The following AVEN variants were observed in gnomAD, a reference collection of about 807,000 sequenced individuals.
AVEN encodes the protein apoptosis and caspase activation inhibitor, also known as cell death regulator Aven.
In AVEN, 41 loss-of-function variants were observed where a neutral mutation model predicts 38.1. The observed-to-expected ratio is 1.08, with a 90% CI of 0.84 to 1.40. The LOEUF (loss-of-function observed/expected upper bound fraction) is 1.40, where lower values mean the gene tolerates loss of function less well. Ranked by LOEUF, AVEN falls within the 40% of genes most tolerant of loss-of-function variation. The pLI is 0.00. For missense variants in AVEN, 605 were observed against 438.8 expected, an observed-to-expected ratio of 1.38 and a Z score of -3.38; for synonymous variants, 206 against 171.8, an observed-to-expected ratio of 1.20 and a Z score of -1.56.
chr15:33,921,405 T>C (rs1893388700), intron 2 of AVEN, among the ~76,000 whole-genome samples: 1 of 144,070 alleles, frequency 6.9e-6, no homozygotes, highest in African/African-American at 2.5e-5. Flanking sequence ...AGGTGAGATT[T>C]AATCTCGAAT....
intron 2 of AVEN, among the ~76,000 whole-genome samples, chr15:33,880,405 C>G (rs889296650): frequency 6.6e-6 from 1 of 152,138 alleles, no homozygotes; most frequent in African/African-American, 2.4e-5. Context: ...GAAAGCTCTG[C>G]TAGTCTTACA....
chr15:34,043,163 C>T (rs1899547509), upstream of AVEN, among the ~76,000 whole-genome samples: 1 of 151,176 alleles, frequency 6.6e-6, no homozygotes, highest in Non-Finnish European at 1.5e-5. Context: ...AGGAGAATGG[C>T]GTGAACCTGG....
intron 2 of AVEN, among the ~76,000 whole-genome samples, chr15:33,925,316 T>TA (rs1893569076): frequency 6.6e-6 from 1 of 152,208 alleles, no homozygotes; most frequent in South Asian, 2.1e-4. Context: ...CTCCCTCTGA[T>TA]ACCTTCCTTT....
At chr15:33,894,361 A>G (rs1013469318) in intron 2 of AVEN, among the ~76,000 whole-genome samples, 5 of 152,046 alleles carry the variant, frequency 3.3e-5, no homozygotes, top group Non-Finnish European at 5.9e-5. Flanking sequence ...CTGCAGCTAC[A>G]TAACAGGAAG....
At position 34,003,085 on chromosome 15, in the gene AVEN, T is replaced by C; in HGVS notation, c.392A>G (p.Glu131Gly). 1 of 1,614,054 alleles carries C rather than the reference T, an allele frequency of 6.2e-7. No individual in the cohort carries two copies. The highest frequency in any genetic ancestry group is 8.5e-7 in the Non-Finnish European group (1 of 1,179,934). Residue 131 changes from glutamate (E) to glycine (G), a missense_variant, in exon 2 of 6, where the codon GAA becomes GGA. Coordinates refer to ENST00000306730, the MANE Select transcript of AVEN (RefSeq NM_020371.3). ...TGTTCCCCTCTGTGACTCTCCACTT[T>C]CATTATTGACCTCTTTTTCAATATC... Reference protein sequence around the residue: ...YQDIEKEVNNESGESQRGTDF... With the variant: ...YQDIEKEVNNGSGESQRGTDF...
chr15:33,872,127 G>C (rs1338513481), intron 3 of AVEN, among the ~76,000 whole-genome samples: 2 of 152,126 alleles, frequency 1.3e-5, no homozygotes, highest in Non-Finnish European at 2.9e-5. Flanking sequence ...TGGGGGTGGG[G>C]TGTAAAGAGA....
At chr15:33,965,068 T>C (rs775476716) in intron 2 of AVEN, among the ~76,000 whole-genome samples, 2 of 152,216 alleles carry the variant, frequency 1.3e-5, no homozygotes, top group Non-Finnish European at 2.9e-5. Flanking sequence ...AGATGAATGA[T>C]AACAGTCTGC....
At chr15:34,040,043 G>C (rs1899400272), upstream of AVEN, among the ~76,000 whole-genome samples, 1 of 152,176 alleles carries the variant, frequency 6.6e-6, no homozygotes, top group Non-Finnish European at 1.5e-5. Context: ...AGCAGAATAA[G>C]TGTTTTCTTC....
intron 2 of AVEN, among the ~76,000 whole-genome samples, chr15:33,920,036 G>A (rs1457605229): frequency 2.0e-5 from 3 of 151,868 alleles, no homozygotes; most frequent in Admixed American, 1.3e-4. Context: ...AACTACTCAC[G>A]TGAACCTACC....
At chr15:33,872,211 C>T (rs1890997286) in intron 3 of AVEN, among the ~76,000 whole-genome samples, 1 of 152,236 alleles carries the variant, frequency 6.6e-6, no homozygotes, top group Non-Finnish European at 1.5e-5. Context: ...TCCCACTTCT[C>T]TGCCATCAGT....
chr15:33,922,096 G>T (rs111601973), intron 2 of AVEN, among the ~76,000 whole-genome samples: 1 of 152,186 alleles, frequency 6.6e-6, no homozygotes, highest in Non-Finnish European at 1.5e-5. Flanking sequence ...TTAGCAGGAC[G>T]TATCTAATCT....
intron 2 of AVEN, among the ~76,000 whole-genome samples, chr15:33,994,978 C>T (rs1243824319): frequency 6.6e-6 from 1 of 152,160 alleles, no homozygotes; most frequent in African/African-American, 2.4e-5. Flanking sequence ...AATAATAATA[C>T]TGGCCAGGCA....
At chr15:33,968,544 T>A in intron 2 of AVEN, among the ~76,000 whole-genome samples, 1 of 152,130 alleles carries the variant, frequency 6.6e-6, no homozygotes, top group Non-Finnish European at 1.5e-5. Flanking sequence ...AAAGCCGTAC[T>A]TCCTTCTGGA....
intron 5 of AVEN, among the ~76,000 whole-genome samples, chr15:34,054,942 C>G (rs534603150): frequency 2.0e-5 from 3 of 152,310 alleles, no homozygotes; most frequent in South Asian, 4.1e-4. Flanking sequence ...CCTGTAATCC[C>G]AGCACTTTGG....
intron 2 of AVEN, among the ~76,000 whole-genome samples, chr15:33,953,027 C>A (rs1894812732): frequency 6.6e-6 from 1 of 152,116 alleles, no homozygotes; most frequent in African/African-American, 2.4e-5. Context: ...TGAGTGAACT[C>A]CCATTCACAA....
At chr15:34,048,485 G>A (rs1348744509) in intron 5 of AVEN, among the ~76,000 whole-genome samples, 1 of 151,778 alleles carries the variant, frequency 6.6e-6, no homozygotes, top group Non-Finnish European at 1.5e-5. Context: ...TCCTCACTGG[G>A]CAGGACCTCC....
At chr15:33,992,801 T>A (rs560978842) in intron 2 of AVEN, among the ~76,000 whole-genome samples, 1 of 152,326 alleles carries the variant, frequency 6.6e-6, no homozygotes, top group African/African-American at 2.4e-5. Flanking sequence ...GTCTAATTGT[T>A]GGCACAAGGA....
At chr15:33,938,388 G>A (rs945391500) in intron 2 of AVEN, among the ~76,000 whole-genome samples, 2 of 152,090 alleles carry the variant, frequency 1.3e-5, no homozygotes, top group Admixed American at 6.6e-5. Flanking sequence ...CCAGGAGGCG[G>A]AGCTTGCAGT....
chr15:33,860,728 C>A, intron 11 of AVEN: 1 of 1,217,086 alleles, frequency 8.2e-7, no homozygotes, highest in Non-Finnish European at 1.2e-6. Context: ...ATTTTTTAAA[C>A]AATAGGTTTT....
Sources: gnomAD v4.1 joint callset for allele counts (sites outside exome capture counted in the v4.1 genomes callset) on GRCh38, gnomAD v4.1.1 for gene constraint, MANE v1.5 for transcripts, NCBI Gene and HGNC (gene_info 2026-07-23, HGNC 2026-07-21) for gene names.